CDH8: variants seen among roughly 807,000 people sequenced by gnomAD.
The protein encoded by CDH8 is cadherin-8.
CDH8 carries 17 observed loss-of-function variants against 68.1 expected under a neutral mutation model. That is an observed-to-expected ratio of 0.25 (90% CI 0.17 to 0.37). The LOEUF (loss-of-function observed/expected upper bound fraction) is 0.37, where lower values mean the gene tolerates loss of function less well. Among genes scored for constraint, CDH8 ranks in the 10% least tolerant of loss-of-function variants. The pLI, the probability that CDH8 is intolerant of heterozygous loss-of-function variation, is 1.00. For synonymous variants in CDH8, 372 were observed against 365.1 expected, an observed-to-expected ratio of 1.02 and a Z score of -0.21; for missense variants, 763 against 999.3, an observed-to-expected ratio of 0.76 and a Z score of 3.19.
At chr16:61,922,219 T>C (rs1412438378) in intron 2 of CDH8, among the ~76,000 whole-genome samples, 1 of 152,156 alleles carries the variant, frequency 6.6e-6, no homozygotes, top group Admixed American at 6.5e-5. Flanking sequence ...ATAACAAATA[T>C]TAGCTGTCTG....
intron 2 of CDH8, among the ~76,000 whole-genome samples, chr16:61,933,646 T>C (rs1597075178): frequency 6.6e-6 from 1 of 152,178 alleles, no homozygotes; most frequent in Non-Finnish European, 1.5e-5. Context: ...GACATATTTA[T>C]TGGGATAAAT....
intron 3 of CDH8, among the ~76,000 whole-genome samples, chr16:61,876,849 C>T (rs186128452): frequency 1.2e-4 from 18 of 152,004 alleles, no homozygotes; most frequent in Admixed American, 4.6e-4. Context: ...ATTTGGTATA[C>T]GGATCAGCAT....
At chr16:62,017,263 G>T (rs1276578994) in intron 2 of CDH8, among the ~76,000 whole-genome samples, 1 of 152,056 alleles carries the variant, frequency 6.6e-6, no homozygotes, top group East Asian at 1.9e-4. Context: ...ACATAATAAG[G>T]TATAGAGTAT....
intron 2 of CDH8, among the ~76,000 whole-genome samples, chr16:61,961,609 G>A (rs1295875983): frequency 1.3e-5 from 2 of 152,082 alleles, no homozygotes; most frequent in African/African-American, 4.8e-5. Context: ...AGAATCTTCT[G>A]TTTACTACTC....
chr16:61,663,737 A>G (rs901069401), intron 10 of CDH8, among the ~76,000 whole-genome samples: 10 of 152,188 alleles, frequency 6.6e-5, no homozygotes, highest in African/African-American at 2.4e-4. Context: ...ATACCTAACT[A>G]CCTATCTATC....
At chr16:61,825,203 A>G (rs746354658) in intron 4 of CDH8, 24 bp from the exon 5 acceptor site, 6 of 1,586,862 alleles carry the variant, frequency 3.8e-6, no homozygotes, top group East Asian at 2.2e-5. Context: ...TGGAAGAATG[A>G]CTTTCAGTCA....
At chr16:61,903,944 C>T (rs1167768774) in intron 2 of CDH8, among the ~76,000 whole-genome samples, 1 of 133,498 alleles carries the variant, frequency 7.5e-6, no homozygotes, top group Non-Finnish European at 1.6e-5. Flanking sequence ...TTTAAATATA[C>T]AGCACTTTTT....
intron 4 of CDH8, among the ~76,000 whole-genome samples, chr16:61,849,167 C>T (rs1009293969): frequency 1.3e-5 from 2 of 151,892 alleles, no homozygotes; most frequent in Non-Finnish European, 2.9e-5. Flanking sequence ...CTCTTTTGTC[C>T]TAAAACAATA....
intron 8 of CDH8, among the ~76,000 whole-genome samples, chr16:61,782,166 C>T (rs1961078265): frequency 6.6e-6 from 1 of 152,146 alleles, no homozygotes; most frequent in African/African-American, 2.4e-5. Flanking sequence ...TCTGCATTTC[C>T]ATCTGAGGTA....
At chr16:61,944,101 A>G (rs1222228297) in intron 2 of CDH8, among the ~76,000 whole-genome samples, 2 of 152,182 alleles carry the variant, frequency 1.3e-5, no homozygotes, top group Non-Finnish European at 2.9e-5. Context: ...ATTTCCTTCT[A>G]CAGAGGAGAA....
chr16:61,936,456 C>A (rs1470425366), intron 2 of CDH8, among the ~76,000 whole-genome samples: 1 of 152,134 alleles, frequency 6.6e-6, no homozygotes, highest in African/African-American at 2.4e-5. Flanking sequence ...TGCCAAAAAT[C>A]ATTAGTTTTC....
chr16:61,739,596 A>C (rs2142920336), intron 8 of CDH8, among the ~76,000 whole-genome samples: 1 of 151,922 alleles, frequency 6.6e-6, no homozygotes, highest in East Asian at 1.9e-4. Context: ...CATTACTTTC[A>C]ATGGAAAAAC....
intron 10 of CDH8, among the ~76,000 whole-genome samples, chr16:61,674,363 A>T (rs903883851): frequency 6.6e-6 from 1 of 151,558 alleles, no homozygotes; most frequent in African/African-American, 2.4e-5. Context: ...CTGAGGCAGG[A>T]GAATTGCTTG....
chr16:61,661,958 A>AT (rs1287524383), intron 10 of CDH8, among the ~76,000 whole-genome samples: 2 of 151,362 alleles, frequency 1.3e-5, no homozygotes, highest in Non-Finnish European at 3.0e-5. Context: ...TTTGTTTCTG[A>AT]TTTTTTTAAA....
At position 61,648,745 on chromosome 16, in the gene CDH8, G is replaced by T. The variant is rs1018246537; in HGVS notation, c.*4863C>A. 6.6e-6 allele frequency: 1 copy of T among 151,862 alleles called. No homozygotes were observed. The highest frequency in any genetic ancestry group is 2.4e-5 in the African/African-American group (1 of 41,408). The allele number at this position is 151,862 out of a possible 1,614,324, so 9.4% of individuals were successfully genotyped here. On this transcript the variant is annotated 3_prime_UTR_variant, in exon 12 of 12. Coordinates refer to ENST00000577390, the MANE Select transcript of CDH8 (RefSeq NM_001796.5). ...ATGTAGCTTAATTTCTGTACTGATAGATACTCAATAAATGTGACAGACAAA... is the reference window on the plus strand; with the variant it reads ...ATGTAGCTTAATTTCTGTACTGATATATACTCAATAAATGTGACAGACAAA...
At chr16:61,936,294 G>A (rs1302515594) in intron 2 of CDH8, among the ~76,000 whole-genome samples, 1 of 151,856 alleles carries the variant, frequency 6.6e-6, no homozygotes, top group African/African-American at 2.4e-5. Context: ...GAGAGGAGAA[G>A]CATGAGTTAT....
intron 4 of CDH8, among the ~76,000 whole-genome samples, chr16:61,826,546 T>C (rs1962339844): frequency 6.6e-6 from 1 of 151,990 alleles, no homozygotes; most frequent in African/African-American, 2.4e-5. Context: ...TTAAAGACAA[T>C]TTAACCCCTT....
chr16:61,836,741 G>GATAT (rs145240898), intron 4 of CDH8, among the ~76,000 whole-genome samples: 2 of 151,490 alleles, frequency 1.3e-5, no homozygotes, highest in Non-Finnish European at 2.9e-5. Flanking sequence ...GCTAGACTGA[G>GATAT]ATATATATAT....
intron 2 of CDH8, among the ~76,000 whole-genome samples, chr16:61,960,270 T>TGTGTGTGTATACACACATATATAC (rs1321461033): frequency 8.7e-5 from 9 of 103,310 alleles, no homozygotes; most frequent in East Asian, 2.8e-4. Context: ...CATATATACG[T>TGTGTGTGTATACACACATATATAC]GTGTGTGTAT....
Sources: allele counts gnomAD v4.1 joint callset (sites outside exome capture counted in the v4.1 genomes callset), GRCh38; gene constraint gnomAD v4.1.1; transcripts MANE v1.5; gene names NCBI Gene and HGNC (gene_info 2026-07-23, HGNC 2026-07-21).